OTUD5: variants seen among roughly 807,000 people sequenced by gnomAD.
OTUD5 encodes OTU domain-containing protein 5.
In OTUD5, 2 loss-of-function variants were observed where a neutral mutation model predicts 36.3. The observed-to-expected ratio is 0.06, with a 90% CI of 0.02 to 0.17. The LOEUF is 0.17. OTUD5 is among the 10% of genes least tolerant of loss of function. OTUD5 has a pLI of 1.00. For missense variants in OTUD5, 233 were observed against 512.3 expected (o/e 0.45, Z 5.26); for synonymous variants, 234 against 214.9 (o/e 1.09, Z -0.78).
chrX:48,954,383 A>G (rs1365431349), intron 1 of OTUD5, among the ~76,000 whole-genome samples: 2 of 110,676 alleles, frequency 1.8e-5, no homozygotes, highest in African/African-American at 6.6e-5. Context: ...CCAGGGATGT[A>G]TCGCAAGGGA....
chrX:48,948,086 G>A (rs1480210812), intron 1 of OTUD5, among the ~76,000 whole-genome samples: 3 of 112,834 alleles, frequency 2.7e-5, no homozygotes. Flanking sequence ...GGTGGCTCAC[G>A]CCTGTAATCC....
intron 2 of OTUD5, among the ~76,000 whole-genome samples, chrX:48,941,206 G>A (rs2063914097): frequency 9.0e-6 from 1 of 110,591 alleles, no homozygotes; most frequent in South Asian, 3.8e-4. Context: ...GCCAAAGCGG[G>A]TGGATCACAA....
At position 48,923,433 on chromosome X, in the gene OTUD5, T is replaced by G. The variant is rs1316756721; in HGVS notation, c.1580-138A>C. 5 of 584,135 alleles carry G rather than the reference T, an allele frequency of 8.6e-6. No individual in the cohort carries two copies. The African/African-American group carries it at 1.1e-4, about 13-fold the overall frequency. 48.1% of individuals were successfully genotyped at this position (584,135 alleles called of 1,213,427 possible). A position where few individuals can be genotyped will look rare whatever the true frequency, so the allele number is the denominator to read the frequency against. On this transcript the variant is annotated intron_variant, in intron 8 of 8. Coordinates refer to ENST00000376488, the MANE Select transcript of OTUD5 (RefSeq NM_001136157.2). ...CCTTTCTCAAAACAGAAGGATCTGC[T>G]AGGCCTGTGAAACCCCACTTAGACC...
chrX:48,955,649 CCT>C (rs1209151169), intron 1 of OTUD5, among the ~76,000 whole-genome samples: 1 of 110,996 alleles, frequency 9.0e-6, no homozygotes, highest in Non-Finnish European at 1.9e-5. Flanking sequence ...GCCCATGTCC[CCT>C]GAGTAGTCGT....
chrX:48,948,352 C>G (rs782356695), intron 1 of OTUD5, among the ~76,000 whole-genome samples: 2 of 110,361 alleles, frequency 1.8e-5, no homozygotes, highest in African/African-American at 3.3e-5. Flanking sequence ...GACTATGTCT[C>G]AAAAACAAAA....
chrX:48,948,664 T>C (rs1222134168), intron 1 of OTUD5, among the ~76,000 whole-genome samples: 2 of 110,492 alleles, frequency 1.8e-5, no homozygotes, highest in Non-Finnish European at 3.8e-5. Flanking sequence ...CCTGAGGAGT[T>C]TGGGCTCTGG....
intron 1 of OTUD5, among the ~76,000 whole-genome samples, chrX:48,951,744 G>A (rs962372061): frequency 8.9e-6 from 1 of 111,922 alleles, no homozygotes; most frequent in African/African-American, 3.2e-5. Context: ...GGCCACTGAG[G>A]GCAGGGGGAT....
chrX:48,939,901 A>C (rs781794938), intron 2 of OTUD5: 8 of 113,035 alleles, frequency 7.1e-5, no homozygotes, highest in African/African-American at 2.6e-4. Flanking sequence ...TGCCTCCCAG[A>C]AGAGCCACAG....
At chrX:48,957,754 G>GCGGCGC (rs1172890893), upstream of OTUD5, 94 of 792,188 alleles carry the variant, frequency 1.2e-4, no homozygotes, top group Non-Finnish European at 1.4e-4. Context: ...GGCGGCGGTG[G>GCGGCGC]CGGCGCGCGG....
At position 48,957,022 on chromosome X, in the gene OTUD5, C is replaced by T. The variant is rs953297830; in HGVS notation, c.549G>A (p.Ala183=). ...AGYNSEDEYE[A]AAARIEAMDP... is the part of the protein sequence containing the mutation. Reference sequence around the variant, plus strand: ...CCATAGCCTCGATGCGTGCTGCAGCCGCCTCATACTCGTCCTCACTGTTGT... The same window carrying T: ...CCATAGCCTCGATGCGTGCTGCAGCTGCCTCATACTCGTCCTCACTGTTGT... Residue 183 remains alanine (A), a synonymous_variant, in exon 1 of 9, where the codon GCG becomes GCA. Coordinates refer to ENST00000376488, the MANE Select transcript of OTUD5 (RefSeq NM_001136157.2). 1 of 1,199,662 alleles carries T rather than the reference C, an allele frequency of 8.3e-7. No homozygotes were observed. Among genetic ancestry groups the T allele is most frequent in the Non-Finnish European group, 1.1e-6 (1 of 890,057 alleles).
chrX:48,923,367 C>T (rs1375597703), intron 8 of OTUD5, 72 bp from the exon 9 acceptor site: 3 of 854,577 alleles, frequency 3.5e-6, no homozygotes, highest in South Asian at 4.3e-5. Flanking sequence ...CCTGTGCCGA[C>T]ATCTGGGGCT....
chrX:48,940,304 T>C (rs2063898947), intron 2 of OTUD5: 1 of 115,454 alleles, frequency 8.7e-6, no homozygotes, highest in Middle Eastern at 6.8e-4. Flanking sequence ...GAAGCTGGTG[T>C]ACAGGAAATG....
rs1557051034 is a variant in OTUD5 at position 48,941,462 on chromosome X, A to G, written c.688+2728T>C. On this transcript the variant is annotated intron_variant, in intron 2 of 8. Coordinates refer to ENST00000376488, the MANE Select transcript of OTUD5 (RefSeq NM_001136157.2). Reference sequence around the variant, plus strand: ...AAAAAAAAAAAAAAAAAAAAAAAAAAAAAAAAAAGAATGCGTGTCCTTTGG... The same window carrying G: ...AAAAAAAAAAAAAAAAAAAAAAAAAGAAAAAAAAGAATGCGTGTCCTTTGG... Among the ~76,000 whole-genome samples, 442 of 77,760 alleles carry G rather than the reference A, an allele frequency of 5.7e-3. 6 individuals are homozygous for G. Among genetic ancestry groups the G allele is most frequent in the Non-Finnish European group, 9.4e-3 (360 of 38,388 alleles). The allele number at this position is 77,760 out of a possible 115,157, so 67.5% of individuals were successfully genotyped here. A position where few individuals can be genotyped will look rare whatever the true frequency, so the allele number is the denominator to read the frequency against.
intron 1 of OTUD5, among the ~76,000 whole-genome samples, chrX:48,951,544 GGTGGAGGTT>G (rs1557053922): frequency 9.0e-6 from 1 of 111,371 alleles, no homozygotes; most frequent in Non-Finnish European, 1.9e-5. Context: ...GAACCTGGGA[GGTGGAGGTT>G]GCAGTGAGCC....
At chrX:48,953,434 C>G (rs894173963) in intron 1 of OTUD5, among the ~76,000 whole-genome samples, 18 of 111,363 alleles carry the variant, frequency 1.6e-4, no homozygotes, top group Non-Finnish European at 2.1e-4. Context: ...GTCCAGAGAA[C>G]TTTGGACTGA....
chrX:48,952,614 G>T (rs2064166899), intron 1 of OTUD5, among the ~76,000 whole-genome samples: 2 of 112,308 alleles, frequency 1.8e-5, no homozygotes, highest in African/African-American at 6.5e-5. Context: ...GGTGAGGGGA[G>T]TGGGAGCAGG....
At chrX:48,926,221 G>A (rs1041435282) in intron 5 of OTUD5, among the ~76,000 whole-genome samples, 171 bp from the exon 6 acceptor site, 2 of 111,370 alleles carry the variant, frequency 1.8e-5, no homozygotes, top group East Asian at 2.8e-4. Context: ...GGGACCAAGG[G>A]AAAGCAGGCT....
At chrX:48,953,945 A>T (rs1557054489) in intron 1 of OTUD5, among the ~76,000 whole-genome samples, 1 of 110,571 alleles carries the variant, frequency 9.0e-6, no homozygotes, top group African/African-American at 3.3e-5. Context: ...ACAGTTTAGG[A>T]CCAAGACTGG....
At chrX:48,938,060 T>C (rs140472428) in intron 2 of OTUD5, among the ~76,000 whole-genome samples, 1 of 112,122 alleles carries the variant, frequency 8.9e-6, no homozygotes, top group East Asian at 2.8e-4. Flanking sequence ...ACAGGCTTCA[T>C]AAAACAGGGT....
Sources: allele counts gnomAD v4.1 joint callset (sites outside exome capture counted in the v4.1 genomes callset), GRCh38; gene constraint gnomAD v4.1.1; transcripts MANE v1.5; gene names NCBI Gene and HGNC (gene_info 2026-07-23, HGNC 2026-07-21).